HTR1F: variants seen among roughly 807,000 people sequenced by gnomAD.
HTR1F encodes 5-hydroxytryptamine receptor 1F, also known as 5-hydroxytryptamine (serotonin) receptor 1F, G protein-coupled.
In HTR1F, 17 loss-of-function variants were observed where a neutral mutation model predicts 24.0. The observed-to-expected ratio is 0.71, with a 90% CI of 0.48 to 1.06. HTR1F has a LOEUF of 1.06. Among genes scored for constraint, HTR1F ranks in the 50% least tolerant of loss-of-function variants. The pLI is 0.00. For missense variants in HTR1F, 391 were observed against 427.8 expected (o/e 0.91, Z 0.76); for synonymous variants, 186 against 156.8 (o/e 1.19, Z -1.39).
chr3:87,978,281 C>T (rs1471523246), intron 2 of HTR1F, among the ~76,000 whole-genome samples: 1 of 152,140 alleles, frequency 6.6e-6, no homozygotes, highest in Non-Finnish European at 1.5e-5. Context: ...CCAGAAGGGC[C>T]GCAGCTCTTC....
At chr3:87,878,680 C>T (rs1255398737) in intron 2 of HTR1F, among the ~76,000 whole-genome samples, 1 of 151,910 alleles carries the variant, frequency 6.6e-6, no homozygotes, top group Non-Finnish European at 1.5e-5. Flanking sequence ...CACACACACA[C>T]AAACACACAC....
intron 2 of HTR1F, among the ~76,000 whole-genome samples, chr3:87,968,134 C>T (rs369943862): frequency 6.6e-6 from 1 of 152,160 alleles, no homozygotes; most frequent in Admixed American, 6.5e-5. Flanking sequence ...AACAAAGAGA[C>T]TGGTGACATT....
In HTR1F at chr3:87,990,851, A is replaced by T. The variant is rs1424300708; in HGVS notation, c.102A>T (p.Ala34=). The T allele has an allele frequency of 1.9e-6, 3 of 1,614,208 alleles. No individual in the cohort carries two copies. Among genetic ancestry groups the T allele is most frequent in the Non-Finnish European group, 2.5e-6 (3 of 1,180,030 alleles). Residue 34 remains alanine (A), a synonymous_variant, in exon 3 of 3, where the codon GCA becomes GCT. Coordinates refer to ENST00000319595, the MANE Select transcript of HTR1F (RefSeq NM_001322209.2). ...ILVSLTLSGL[A]LMTTTINSLV... is the part of the protein sequence containing the mutation. ...TGTCCCTCACTCTGTCTGGGCTGGC[A>T]CTGATGACAACAACTATCAACTCCC...
chr3:87,878,078 G>A lies in HTR1F; in HGVS notation c.-43+55954G>A. Among the ~76,000 whole-genome samples the A allele has an allele frequency of 1.3e-5, 2 of 152,136 alleles. 1 individual carries two copies. The highest frequency in any genetic ancestry group is 1.3e-4 in the Admixed American group (2 of 15,262). ...GGAGAATGGACGGGATCTTGAGAAT[G>A]GATTAAGTTTAAATAGATTGAGAAT... On this transcript the variant is annotated intron_variant, in intron 2 of 2. Coordinates refer to ENST00000319595, the MANE Select transcript of HTR1F (RefSeq NM_001322209.2).
chr3:87,982,876 T>G lies in HTR1F; in HGVS notation c.-42-7832T>G, dbSNP rs148039934. On this transcript the variant is annotated intron_variant, in intron 2 of 2. Coordinates refer to ENST00000319595, the MANE Select transcript of HTR1F (RefSeq NM_001322209.2). ...GAGAACAAATAAATCGCCTGTTTAG[T>G]TTACAGCTCTCTGAGTCAAGATGCA... Among the ~76,000 whole-genome samples, 320 of 152,320 alleles carry G rather than the reference T, an allele frequency of 2.1e-3. 1 individual carries two copies. Among genetic ancestry groups the G allele is most frequent in the African/African-American group, 7.4e-3 (306 of 41,576 alleles).
At chr3:87,982,831 C>T (rs1420570441) in intron 2 of HTR1F, among the ~76,000 whole-genome samples, 3 of 152,176 alleles carry the variant, frequency 2.0e-5, no homozygotes, top group Non-Finnish European at 4.4e-5. Flanking sequence ...CCTCAACTCA[C>T]CATTACATAT....
intron 2 of HTR1F, among the ~76,000 whole-genome samples, chr3:87,917,385 CAAA>C: frequency 9.3e-6 from 1 of 107,404 alleles, no homozygotes; most frequent in African/African-American, 3.3e-5. Flanking sequence ...GAAATTGAAG[CAAA>C]AAAAAAAAAA....
chr3:87,849,222 G>T (rs534770848), intron 2 of HTR1F, among the ~76,000 whole-genome samples: 16 of 151,732 alleles, frequency 1.1e-4, no homozygotes, highest in Admixed American at 4.6e-4. Context: ...ACAAGGCTAC[G>T]GTAACCAAAA....
At chr3:87,973,022 T>A (rs1427007170) in intron 2 of HTR1F, among the ~76,000 whole-genome samples, 1 of 150,698 alleles carries the variant, frequency 6.6e-6, no homozygotes, top group Non-Finnish European at 1.5e-5. Flanking sequence ...AAAAAAAAAT[T>A]TAGCCAGGCA....
intron 2 of HTR1F, among the ~76,000 whole-genome samples, chr3:87,830,346 A>G (rs1704549984): frequency 6.6e-6 from 1 of 152,224 alleles, no homozygotes; most frequent in South Asian, 2.1e-4. Flanking sequence ...TATATTTTTA[A>G]TACTGAAAAA....
In HTR1F at chr3:87,852,013, ACT is replaced by A. The variant is rs138664318; in HGVS notation, c.-43+29892_-43+29893del. Among the ~76,000 whole-genome samples, 143 of 151,232 alleles carry A rather than the reference ACT, an allele frequency of 9.5e-4. 1 individual carries two copies. The highest frequency in any genetic ancestry group is 3.3e-3 in the African/African-American group (137 of 41,142). ...TACATTTCTACCAGCAATAGCTGAG[ACT>A]CTATTTTTCCAAACATCCCCACTAG... On this transcript the variant is annotated intron_variant, in intron 2 of 2. Transcript: ENST00000319595.
chr3:87,833,185 C>T (rs1352112320), intron 2 of HTR1F, among the ~76,000 whole-genome samples: 2 of 149,200 alleles, frequency 1.3e-5, no homozygotes, highest in African/African-American at 5.0e-5. Context: ...CTGGCAGACT[C>T]TGCTTCCTTT....
intron 2 of HTR1F, among the ~76,000 whole-genome samples, chr3:87,967,589 G>C (rs1455373938): frequency 1.3e-5 from 2 of 151,108 alleles, no homozygotes; most frequent in African/African-American, 4.8e-5. Flanking sequence ...TGAATCATGG[G>C]GGGGGGTGGG....
intron 2 of HTR1F, among the ~76,000 whole-genome samples, chr3:87,965,760 A>G (rs1216251789): frequency 6.6e-6 from 1 of 152,208 alleles, no homozygotes; most frequent in South Asian, 2.1e-4. Context: ...TACACAATAC[A>G]AAATTTAGCA....
At chr3:87,966,508 GGTCT>G (rs1220552877) in intron 2 of HTR1F, among the ~76,000 whole-genome samples, 13 of 152,090 alleles carry the variant, frequency 8.5e-5, no homozygotes, top group African/African-American at 2.9e-4. Context: ...GAAAAATAAT[GGTCT>G]GTCACATGGA....
intron 2 of HTR1F, among the ~76,000 whole-genome samples, chr3:87,930,787 C>T (rs1021068405): frequency 6.6e-6 from 1 of 152,040 alleles, no homozygotes; most frequent in South Asian, 2.1e-4. Flanking sequence ...ACATAATTAT[C>T]GCTATATACA....
chr3:87,928,458 G>C (rs1373103330), intron 2 of HTR1F, among the ~76,000 whole-genome samples: 1 of 152,074 alleles, frequency 6.6e-6, no homozygotes, highest in African/African-American at 2.4e-5. Context: ...TGTATCACTT[G>C]TTCATATACT....
chr3:87,984,227 GATTA>G (rs1705612435), intron 2 of HTR1F, among the ~76,000 whole-genome samples: 3 of 152,114 alleles, frequency 2.0e-5, no homozygotes, highest in African/African-American at 2.4e-5. Flanking sequence ...ACCATGCTAT[GATTA>G]ATTAATTATC....
At chr3:87,807,312 G>A (rs567672502) in intron 1 of HTR1F, among the ~76,000 whole-genome samples, 17 of 151,890 alleles carry the variant, frequency 1.1e-4, no homozygotes, top group Admixed American at 9.2e-4. Flanking sequence ...ACAGTGTTTT[G>A]TAGTTTTTCT....
Sources: gnomAD v4.1 joint callset for allele counts (sites outside exome capture counted in the v4.1 genomes callset) on GRCh38, gnomAD v4.1.1 for gene constraint, MANE v1.5 for transcripts, NCBI Gene and HGNC (gene_info 2026-07-23, HGNC 2026-07-21) for gene names.